UBE2D2: variants seen among roughly 807,000 people sequenced by gnomAD.
UBE2D2 encodes the protein ubiquitin-conjugating enzyme E2 D2.
A neutral mutation model predicts 24.2 loss-of-function variants in UBE2D2; 2 were observed. The ratio of observed to expected loss-of-function variants is 0.08; its 90% CI spans 0.03 to 0.26. UBE2D2 has a LOEUF of 0.26. Among genes scored for constraint, UBE2D2 ranks in the 10% least tolerant of loss-of-function variants. The probability of loss-of-function intolerance (pLI) is 1.00; values close to 1 mark genes in which losing one functional copy is unlikely to be tolerated. For missense variants in UBE2D2, 44 were observed against 177.6 expected (o/e 0.25, Z 4.28); for synonymous variants, 58 against 56.5 (o/e 1.03, Z -0.12).
At chr5:139,578,350 T>G (rs1753524443) in intron 1 of UBE2D2, among the ~76,000 whole-genome samples, 1 of 152,158 alleles carries the variant, frequency 6.6e-6, no homozygotes. Context: ...ATACCTACGA[T>G]TTTCCTGTCC....
chr5:139,572,145 A>T (rs1017826362), intron 1 of UBE2D2, among the ~76,000 whole-genome samples: 1 of 152,170 alleles, frequency 6.6e-6, no homozygotes, highest in Non-Finnish European at 1.5e-5. Context: ...AACTTTCGTA[A>T]TAGTTGACAT....
intron 1 of UBE2D2, among the ~76,000 whole-genome samples, chr5:139,579,139 T>A (rs1438509422): frequency 6.6e-6 from 1 of 151,664 alleles, no homozygotes. Context: ...AGCTAATTTT[T>A]GTATTTTAAT....
intron 2 of UBE2D2, among the ~76,000 whole-genome samples, chr5:139,612,898 C>T (rs1248410292): frequency 2.0e-5 from 3 of 152,128 alleles, no homozygotes; most frequent in Non-Finnish European, 4.4e-5. Flanking sequence ...TCTCAGCCTC[C>T]TGAGTAGGTG....
At chr5:139,557,414 T>G (rs921620267), upstream of UBE2D2, among the ~76,000 whole-genome samples, 2 of 151,984 alleles carry the variant, frequency 1.3e-5, no homozygotes, top group African/African-American at 4.8e-5. Flanking sequence ...AACCTTGATA[T>G]GAAAATTTGG....
At chr5:139,605,995 T>G (rs1754191910) in intron 2 of UBE2D2, among the ~76,000 whole-genome samples, 1 of 152,088 alleles carries the variant, frequency 6.6e-6, no homozygotes, top group Non-Finnish European at 1.5e-5. Context: ...CTCCTGCCTC[T>G]GCCTCCCAAA....
chr5:139,621,862 A>G (rs56099285), intron 5 of UBE2D2, among the ~76,000 whole-genome samples: 7,609 of 152,294 alleles, frequency 0.05, 235 homozygotes, highest in South Asian at 0.11. Flanking sequence ...GCCTGAAGCG[A>G]TCCTTCTGCT....
At chr5:139,536,093 T>TTTTA (rs775149554) in intron 1 of UBE2D2, among the ~76,000 whole-genome samples, 241 of 151,042 alleles carry the variant, frequency 1.6e-3, no homozygotes, top group Middle Eastern at 3.4e-3. Flanking sequence ...TTATTTATTA[T>TTTTA]TTTATTTATT....
chr5:139,563,948 T>C (rs1452645369), intron 1 of UBE2D2, among the ~76,000 whole-genome samples: 1 of 151,744 alleles, frequency 6.6e-6, no homozygotes, highest in Non-Finnish European at 1.5e-5. Context: ...AAAAAAGAAA[T>C]GTAGACTTTA....
At chr5:139,621,554 C>G (rs1754513938) in intron 5 of UBE2D2, among the ~76,000 whole-genome samples, 1 of 151,786 alleles carries the variant, frequency 6.6e-6, no homozygotes, top group Non-Finnish European at 1.5e-5. Flanking sequence ...GTGCCTGCCA[C>G]TGGAAAACAG....
intron 1 of UBE2D2, among the ~76,000 whole-genome samples, chr5:139,537,885 A>C (rs537351825): frequency 3.9e-4 from 59 of 150,808 alleles, no homozygotes; most frequent in African/African-American, 1.4e-3. Context: ...AATGATGTGA[A>C]CCCGGGAGGC....
intron 1 of UBE2D2, among the ~76,000 whole-genome samples, chr5:139,534,203 C>G (rs942443807): frequency 4.5e-4 from 69 of 152,102 alleles, no homozygotes; most frequent in Middle Eastern, 3.4e-3. Context: ...GAGGCCCAGG[C>G]GGGCAGATCA....
chr5:139,546,382 A>G (rs1163180038), intron 1 of UBE2D2, among the ~76,000 whole-genome samples: 1 of 151,768 alleles, frequency 6.6e-6, no homozygotes, highest in Non-Finnish European at 1.5e-5. Context: ...ACAGAGTTTC[A>G]CCATATTGGC....
intron 1 of UBE2D2, among the ~76,000 whole-genome samples, chr5:139,579,631 T>G (rs2126663757): frequency 6.6e-6 from 1 of 152,298 alleles, no homozygotes; most frequent in Non-Finnish European, 1.5e-5. Flanking sequence ...TCAGTGACAG[T>G]CACTGTAATT....
At chr5:139,566,249 C>A (rs1182150571) in intron 1 of UBE2D2, among the ~76,000 whole-genome samples, 1 of 152,010 alleles carries the variant, frequency 6.6e-6, no homozygotes, top group East Asian at 1.9e-4. Context: ...GAACTCCTGA[C>A]GTCAGGAGAT....
At chr5:139,561,160 C>A (rs565128733), upstream of UBE2D2, 2 of 152,822 alleles carry the variant, frequency 1.3e-5, no homozygotes, top group African/African-American at 4.8e-5. Context: ...GAGATCTCCG[C>A]CCAGGGCTTC....
chr5:139,608,088 G>T (rs1230208083), intron 2 of UBE2D2, among the ~76,000 whole-genome samples: 1 of 151,776 alleles, frequency 6.6e-6, no homozygotes, highest in African/African-American at 2.4e-5. Context: ...GGGTATGAAA[G>T]ATTGCAATAT....
intron 2 of UBE2D2, among the ~76,000 whole-genome samples, chr5:139,610,532 T>TC (rs1296280043): frequency 6.7e-6 from 1 of 149,560 alleles, no homozygotes; most frequent in Non-Finnish European, 1.5e-5. Context: ...AGAGCGAGAC[T>TC]CCGTCTCAAA....
chr5:139,535,133 C>T (rs1443289153), intron 1 of UBE2D2, among the ~76,000 whole-genome samples: 2 of 149,858 alleles, frequency 1.3e-5, no homozygotes, highest in African/African-American at 4.9e-5. Flanking sequence ...CAAAGTGAGA[C>T]TTTATCTCAA....
At chr5:139,561,844 T>A in intron 1 of UBE2D2, 29 bp downstream of exon 1, 1 of 1,477,444 alleles carries the variant, frequency 6.8e-7, no homozygotes, top group Non-Finnish European at 8.9e-7. Flanking sequence ...GCTGCGCTGC[T>A]GGCCAGCTGA....
Sources: allele counts gnomAD v4.1 joint callset (sites outside exome capture counted in the v4.1 genomes callset), GRCh38; gene constraint gnomAD v4.1.1; transcripts MANE v1.5; gene names NCBI Gene and HGNC (gene_info 2026-07-23, HGNC 2026-07-21).